The following TRIM51G variants were observed in gnomAD, a reference collection of about 807,000 sequenced individuals.
TRIM51G encodes tripartite motif-containing protein 51G.
the TRIM51G span, chr11:48,975,982 T>A: frequency 1.5e-6 from 1 of 689,128 alleles, no homozygotes; most frequent in African/African-American, 1.8e-5. Flanking sequence ...TCTTGCATGC[T>A]GCAGAGTAAG....
the TRIM51G span, chr11:48,980,993 GA>G: frequency 1.8e-6 from 1 of 564,664 alleles, no homozygotes. Flanking sequence ...TTTTTCTTAG[GA>G]GCTCCTCCTG....
At chr11:48,976,040 C>T in the TRIM51G span, 424,147 of 426,810 alleles carry the variant, frequency 0.99, 210,827 homozygotes, top group East Asian at 1. Context: ...ATGTAATTAA[C>T]AGAAATTAGA....
the TRIM51G span, chr11:48,979,042 A>G: frequency 6.7e-5 from 65 of 975,126 alleles, no homozygotes; most frequent in African/African-American, 6.4e-5. Flanking sequence ...TCTTCATGGA[A>G]AAATGCAACC....
chr11:48,979,592 A>G, the TRIM51G span, among the ~76,000 whole-genome samples: 2 of 152,096 alleles, frequency 1.3e-5, no homozygotes, highest in Non-Finnish European at 2.9e-5. Context: ...AATCGGCTAC[A>G]TGGACATCTT....
At chr11:48,975,812 GC>G in the TRIM51G span, 1 of 1,484,078 alleles carries the variant, frequency 6.7e-7, no homozygotes, top group South Asian at 1.1e-5. Flanking sequence ...TTCCAAGAGT[GC>G]CCCATGTTAA....
the TRIM51G span, among the ~76,000 whole-genome samples, chr11:48,982,197 C>A: frequency 2.6e-5 from 4 of 151,918 alleles, no homozygotes; most frequent in African/African-American, 2.4e-5. Context: ...ACAAACCAAC[C>A]GACCAGATAA....
At chr11:48,979,095 A>C in the TRIM51G span, 1 of 808,558 alleles carries the variant, frequency 1.2e-6, no homozygotes, top group South Asian at 1.3e-5. Context: ...CCTTAAACTC[A>C]CATAATCCTG....
the TRIM51G span, among the ~76,000 whole-genome samples, chr11:48,976,778 G>A: frequency 4.6e-5 from 7 of 151,698 alleles, no homozygotes; most frequent in Non-Finnish European, 8.8e-5. Flanking sequence ...ATGTAACCTT[G>A]GATTATTAAG....
At chr11:48,977,326 C>A in the TRIM51G span, 3 of 526,876 alleles carry the variant, frequency 5.7e-6, no homozygotes, top group Non-Finnish European at 1.1e-5. Context: ...TTTTCAAATT[C>A]ATTCTTATTC....
chr11:48,976,296 C>T, the TRIM51G span, among the ~76,000 whole-genome samples: 4 of 152,198 alleles, frequency 2.6e-5, no homozygotes, highest in South Asian at 8.3e-4. Flanking sequence ...ATTATATGCC[C>T]TGAATGCCCT....
At chr11:48,981,476 C>T in the TRIM51G span, 2 of 1,607,206 alleles carry the variant, frequency 1.2e-6, no homozygotes, top group South Asian at 2.2e-5. Flanking sequence ...GCAATGGAAG[C>T]CATGTTCTTC....
At chr11:48,978,277 GA>G in the TRIM51G span, 1 of 449,242 alleles carries the variant, frequency 2.2e-6, no homozygotes, top group Non-Finnish European at 4.5e-6. Context: ...TTCCCTCCTG[GA>G]AAGCATTTTC....
chr11:48,976,269 CA>C, the TRIM51G span, among the ~76,000 whole-genome samples: 1 of 152,110 alleles, frequency 6.6e-6, no homozygotes, highest in South Asian at 2.1e-4. Context: ...ATCCCATCTC[CA>C]ATGTAAAAGT....
At chr11:48,978,638 G>A in the TRIM51G span, among the ~76,000 whole-genome samples, 1 of 152,278 alleles carries the variant, frequency 6.6e-6, no homozygotes, top group East Asian at 1.9e-4. Flanking sequence ...GGGGATGTCT[G>A]TTACCTTGGC....
At chr11:48,975,836 A>G in the TRIM51G span, 2 of 1,288,646 alleles carry the variant, frequency 1.6e-6, no homozygotes, top group Non-Finnish European at 2.2e-6. Flanking sequence ...TCCCAATAAA[A>G]TTTGCCAGAT....
chr11:48,976,810 A>G, the TRIM51G span, among the ~76,000 whole-genome samples: 6 of 152,054 alleles, frequency 3.9e-5, no homozygotes, highest in Admixed American at 2.6e-4. Context: ...GCATTTTTCC[A>G]TTTATTCAAT....
At chr11:48,980,313 T>G in the TRIM51G span, among the ~76,000 whole-genome samples, 2 of 152,118 alleles carry the variant, frequency 1.3e-5, no homozygotes, top group African/African-American at 2.4e-5. Context: ...AGAGTTCTCC[T>G]TATATAAAAT....
At chr11:48,981,165 A>G in the TRIM51G span, 1 of 1,448,146 alleles carries the variant, frequency 6.9e-7, no homozygotes, top group Non-Finnish European at 9.4e-7. Context: ...AAGTCAAGGA[A>G]GCTCATAACA....
the TRIM51G span, among the ~76,000 whole-genome samples, chr11:48,981,969 G>A: frequency 0.48 from 73,432 of 151,884 alleles, 19,816 homozygotes; most frequent in Non-Finnish European, 0.59. Context: ...CCTATTCCCT[G>A]GATGTCGATA....
Sources: allele counts gnomAD v4.1 joint callset (sites outside exome capture counted in the v4.1 genomes callset), GRCh38; gene constraint gnomAD v4.1.1; transcripts MANE v1.5; gene names NCBI Gene and HGNC (gene_info 2026-07-23, HGNC 2026-07-21).